Variants in SYT1 observed in about 807,000 individuals in gnomAD.
The protein encoded by SYT1 is synaptotagmin-1.
Under a neutral mutation model 44.8 loss-of-function variants are expected in SYT1, and 8 were observed. That is an observed-to-expected ratio of 0.18 (90% CI 0.10 to 0.32). The LOEUF (loss-of-function observed/expected upper bound fraction) is 0.32. Among genes scored for constraint, SYT1 ranks in the 10% least tolerant of loss-of-function variants. The probability of loss-of-function intolerance (pLI) is 1.00; values close to 1 mark genes in which losing one functional copy is unlikely to be tolerated. For synonymous variants in SYT1, 154 were observed against 188.8 expected (o/e 0.82, Z 1.51); for missense variants, 286 against 509.3 (o/e 0.56, Z 4.22).
At chr12:79,047,573 A>T (rs1325914047) in intron 3 of SYT1, among the ~76,000 whole-genome samples, 1 of 151,840 alleles carries the variant, frequency 6.6e-6, no homozygotes, top group Non-Finnish European at 1.5e-5. Flanking sequence ...GTTGTGATAC[A>T]TTTATGGGGC....
At chr12:78,915,579 T>C (rs1334896163) in intron 1 of SYT1, among the ~76,000 whole-genome samples, 1 of 152,068 alleles carries the variant, frequency 6.6e-6, no homozygotes, top group Non-Finnish European at 1.5e-5. Context: ...AAGTTTGTCT[T>C]ATATATGTAT....
chr12:79,338,596 T>A (rs185718164), intron 8 of SYT1, among the ~76,000 whole-genome samples: 1 of 151,466 alleles, frequency 6.6e-6, no homozygotes, highest in African/African-American at 2.4e-5. Context: ...CTTTTTTTTT[T>A]CTTCAATCCC....
At chr12:79,192,296 G>T (rs980796952) in intron 3 of SYT1, among the ~76,000 whole-genome samples, 1 of 152,152 alleles carries the variant, frequency 6.6e-6, no homozygotes, top group Admixed American at 6.6e-5. Flanking sequence ...GAAAATCATT[G>T]TTTGATTCTC....
At chr12:79,323,598 C>T (rs1881468676) in intron 8 of SYT1, among the ~76,000 whole-genome samples, 2 of 152,044 alleles carry the variant, frequency 1.3e-5, no homozygotes, top group South Asian at 4.1e-4. Flanking sequence ...ACAAACTGAG[C>T]CTTTAGCTGT....
At position 79,081,655 on chromosome 12, in the gene SYT1, G is replaced by A. The variant is rs577531828; in HGVS notation, c.-18+34293G>A. 3.9e-5 allele frequency among the ~76,000 whole-genome samples: 6 copies of A among 152,098 alleles called. No individual in the cohort carries two copies. In the East Asian group the frequency reaches 9.7e-4, roughly 25 times the overall value. On this transcript the variant is annotated intron_variant, in intron 3 of 10. Transcript: ENST00000261205. ...TGGCCTCCCAAAGTGCTGGGCTTAC[G>A]GGTGTGAGCCACGGTGCCCAGCCCA...
intron 4 of SYT1, among the ~76,000 whole-genome samples, chr12:79,251,160 C>G (rs888768375): frequency 2.6e-5 from 4 of 152,138 alleles, no homozygotes; most frequent in African/African-American, 9.7e-5. Flanking sequence ...ATAGACTAAT[C>G]ATTTTGCCCT....
intron 4 of SYT1, among the ~76,000 whole-genome samples, chr12:79,220,750 T>G (rs1875109143): frequency 6.6e-6 from 1 of 152,112 alleles, no homozygotes; most frequent in Non-Finnish European, 1.5e-5. Flanking sequence ...TAAAGTCCCT[T>G]CTGTTTTTGA....
At chr12:79,148,657 A>G (rs529262113) in intron 3 of SYT1, among the ~76,000 whole-genome samples, 1 of 152,164 alleles carries the variant, frequency 6.6e-6, no homozygotes, top group Non-Finnish European at 1.5e-5. Flanking sequence ...GCACTATGCT[A>G]TGGAAACAGA....
At chr12:79,413,173 A>G (rs980361666) in intron 9 of SYT1, among the ~76,000 whole-genome samples, 1 of 152,188 alleles carries the variant, frequency 6.6e-6, no homozygotes, top group Non-Finnish European at 1.5e-5. Flanking sequence ...ACCTCTTCCA[A>G]TAAGGTACCC....
chr12:79,243,904 GGAA>G lies in SYT1; in HGVS notation c.166+26221_166+26223del, dbSNP rs752784366. On this transcript the variant is annotated intron_variant, in intron 4 of 10. Transcript: ENST00000261205. Reference sequence around the variant, plus strand: ...AGGAAGGAAGGCAGGAAGGAAGGAAGGAAGGAAGGAAATACAGGATGGGGGTGG... The same window carrying G: ...AGGAAGGAAGGCAGGAAGGAAGGAAGGGAAGGAAATACAGGATGGGGGTGG... Among the ~76,000 whole-genome samples, 10 of 151,650 alleles carry G rather than the reference GGAA, an allele frequency of 6.6e-5. 1 individual carries two copies. The highest frequency in any genetic ancestry group is 3.9e-4 in the Admixed American group (6 of 15,210).
intron 8 of SYT1, among the ~76,000 whole-genome samples, chr12:79,331,029 T>C (rs1881832026): frequency 6.6e-6 from 1 of 152,202 alleles, no homozygotes; most frequent in Admixed American, 6.5e-5. Context: ...TATTTCTTAG[T>C]GACCCCAGGA....
intron 1 of SYT1, among the ~76,000 whole-genome samples, chr12:78,880,501 A>G (rs1874394352): frequency 6.6e-6 from 1 of 151,506 alleles, no homozygotes; most frequent in East Asian, 1.9e-4. Flanking sequence ...AAATTCCATG[A>G]TAACAGAGAT....
At chr12:79,071,975 A>G (rs1475274131) in intron 3 of SYT1, among the ~76,000 whole-genome samples, 1 of 152,272 alleles carries the variant, frequency 6.6e-6, no homozygotes, top group Non-Finnish European at 1.5e-5. Flanking sequence ...TCATTAAAAC[A>G]CTGGATTTCT....
chr12:79,451,231 A>G lies in SYT1; in HGVS notation c.*2107A>G, dbSNP rs1189512737. 2 of 152,226 alleles carry G rather than the reference A, an allele frequency of 1.3e-5. No individual in the cohort carries two copies. The highest frequency in any genetic ancestry group is 4.8e-5 in the African/African-American group (2 of 41,470). 9.4% of individuals were successfully genotyped at this position (152,226 alleles called of 1,614,324 possible). A position where few individuals can be genotyped will look rare whatever the true frequency, so the allele number is the denominator to read the frequency against. ...TATAATTGGCATAGACATAAAGGAT[A>G]AAAGGAAAATAACCGTCTGCCGATG... On this transcript the variant is annotated 3_prime_UTR_variant, in exon 11 of 11. Transcript: ENST00000261205.
chr12:79,447,991 T>A (rs538195208), intron 10 of SYT1, among the ~76,000 whole-genome samples: 1 of 152,230 alleles, frequency 6.6e-6, no homozygotes. Context: ...TATTTTAAAC[T>A]CTTACCTTTA....
At position 79,139,758 on chromosome 12, in the gene SYT1, G is replaced by A. The variant is rs11829921; in HGVS notation, c.-17-77745G>A. ...CTCTCCTGAGACAGGACACATTTTT[G>A]TCTTTGATTTACCCCAAGAGAAAGA... On this transcript the variant is annotated intron_variant, in intron 3 of 10. Coordinates refer to ENST00000261205, the MANE Select transcript of SYT1 (RefSeq NM_005639.3). Among the ~76,000 whole-genome samples the A allele has an allele frequency of 3.9e-5, 6 of 152,124 alleles. 1 individual carries two copies. In the South Asian group the frequency reaches 1.2e-3, roughly 32 times the overall value.
intron 9 of SYT1, among the ~76,000 whole-genome samples, chr12:79,401,261 A>T (rs1247616489): frequency 6.6e-6 from 1 of 152,020 alleles, no homozygotes; most frequent in African/African-American, 2.4e-5. Flanking sequence ...AGGCACAATG[A>T]CTCATGCCTG....
chr12:79,035,669 T>C (rs1331962028), intron 2 of SYT1, among the ~76,000 whole-genome samples: 2 of 151,658 alleles, frequency 1.3e-5, no homozygotes, highest in African/African-American at 4.8e-5. Flanking sequence ...AGCTTCCTTA[T>C]AGGAATATTG....
At chr12:78,870,362 G>A (rs759090752) in intron 1 of SYT1, among the ~76,000 whole-genome samples, 5 of 152,006 alleles carry the variant, frequency 3.3e-5, no homozygotes, top group Non-Finnish European at 7.4e-5. Context: ...TTCTGTACTT[G>A]TGAAATATAG....
Sources: gnomAD v4.1 joint callset for allele counts (sites outside exome capture counted in the v4.1 genomes callset) on GRCh38, gnomAD v4.1.1 for gene constraint, MANE v1.5 for transcripts, NCBI Gene and HGNC (gene_info 2026-07-23, HGNC 2026-07-21) for gene names.